Variants in PLXDC2 observed in about 807,000 individuals in gnomAD.
PLXDC2 encodes plexin domain containing 2, also known as plexin domain-containing protein 2.
A neutral mutation model predicts 68.9 loss-of-function variants in PLXDC2; 40 were observed. The ratio of observed to expected loss-of-function variants is 0.58; its 90% CI spans 0.45 to 0.76. The LOEUF (loss-of-function observed/expected upper bound fraction) is 0.76. PLXDC2 is among the 30% of genes least tolerant of loss of function. PLXDC2 has a pLI of 0.00. For synonymous variants in PLXDC2, 243 were observed against 234.2 expected (o/e 1.04, Z -0.34); for missense variants, 644 against 661.9 (o/e 0.97, Z 0.30).
intron 13 of PLXDC2, among the ~76,000 whole-genome samples, chr10:20,246,639 C>T (rs1835599855): frequency 6.6e-6 from 1 of 152,228 alleles, no homozygotes; most frequent in South Asian, 2.1e-4. Flanking sequence ...TGTGAGCCAT[C>T]GTGCCTGGCC....
chr10:19,818,791 AATT>A (rs1836406979), intron 1 of PLXDC2, among the ~76,000 whole-genome samples: 1 of 152,172 alleles, frequency 6.6e-6, no homozygotes, highest in African/African-American at 2.4e-5. Flanking sequence ...TTGCAACAGT[AATT>A]TTCATGTACT....
intron 4 of PLXDC2, among the ~76,000 whole-genome samples, chr10:20,142,140 A>G (rs1834014769): frequency 1.3e-5 from 2 of 152,262 alleles, no homozygotes; most frequent in East Asian, 1.9e-4. Context: ...GAAGACTGCA[A>G]TCTGCCAATG....
intron 1 of PLXDC2, among the ~76,000 whole-genome samples, chr10:19,937,055 C>T (rs1833736865): frequency 6.6e-6 from 1 of 152,164 alleles, no homozygotes; most frequent in African/African-American, 2.4e-5. Flanking sequence ...GTTCCTTGCT[C>T]TCCAATGACA....
At chr10:19,931,675 T>A (rs1776151039) in intron 1 of PLXDC2, among the ~76,000 whole-genome samples, 1 of 152,134 alleles carries the variant, frequency 6.6e-6, no homozygotes, top group East Asian at 1.9e-4. Flanking sequence ...AGATTGAACT[T>A]CACCAGCTTG....
At chr10:20,225,135 T>C (rs1835269055) in intron 12 of PLXDC2, among the ~76,000 whole-genome samples, 1 of 152,212 alleles carries the variant, frequency 6.6e-6, no homozygotes, top group African/African-American at 2.4e-5. Flanking sequence ...TAAATTCTAT[T>C]TCTGTTGCAT....
chr10:20,001,174 G>T (rs572945811), intron 1 of PLXDC2, among the ~76,000 whole-genome samples: 5 of 152,180 alleles, frequency 3.3e-5, no homozygotes, highest in Admixed American at 1.3e-4. Context: ...GTGCAGGGAT[G>T]ACTCCTGAGG....
intron 1 of PLXDC2, among the ~76,000 whole-genome samples, chr10:19,836,984 A>G (rs896459694): frequency 6.6e-6 from 1 of 152,204 alleles, no homozygotes; most frequent in Non-Finnish European, 1.5e-5. Flanking sequence ...GAATCAGGGA[A>G]TAAGTTCAAA....
At chr10:19,998,854 T>C (rs1422143135) in intron 1 of PLXDC2, among the ~76,000 whole-genome samples, 1 of 152,148 alleles carries the variant, frequency 6.6e-6, no homozygotes, top group East Asian at 1.9e-4. Context: ...CCAAACCTTG[T>C]AAGTGCTAGA....
chr10:19,960,970 CT>C (rs1834146385), intron 1 of PLXDC2, among the ~76,000 whole-genome samples: 1 of 152,220 alleles, frequency 6.6e-6, no homozygotes, highest in African/African-American at 2.4e-5. Flanking sequence ...CAGTAAGTTA[CT>C]TTCCTTGACT....
In PLXDC2 at chr10:20,021,191, G is replaced by GTT. The variant is rs35394866; in HGVS notation, c.324+19212_324+19213dup. ...AATCTTCTTATGGTAACTTTATCCT[G>GTT]TTTTTTTTGTTTGTTTGTTTGTTTT... On this transcript the variant is annotated intron_variant, in intron 2 of 13. Transcript: ENST00000377252. Among the ~76,000 whole-genome samples, 9 of 144,610 alleles carry GTT rather than the reference G, an allele frequency of 6.2e-5. No homozygotes were observed. The South Asian group carries it at 1.1e-3, about 17-fold the overall frequency. The allele number at this position is 144,610 out of a possible 152,430, so 94.9% of individuals were successfully genotyped here.
intron 13 of PLXDC2, among the ~76,000 whole-genome samples, chr10:20,270,358 A>G (rs775178411): frequency 2.0e-5 from 3 of 152,182 alleles, no homozygotes; most frequent in African/African-American, 4.8e-5. Context: ...TAGAATTGTT[A>G]GATCCCTGTT....
At chr10:19,851,409 C>T (rs1837115541) in intron 1 of PLXDC2, among the ~76,000 whole-genome samples, 1 of 152,212 alleles carries the variant, frequency 6.6e-6, no homozygotes, top group Non-Finnish European at 1.5e-5. Context: ...CTGCAACTTA[C>T]CCCTCCTCAC....
chr10:20,244,181 G>A (rs762603082), intron 12 of PLXDC2, among the ~76,000 whole-genome samples: 1 of 152,110 alleles, frequency 6.6e-6, no homozygotes, highest in African/African-American at 2.4e-5. Flanking sequence ...GTCATATGGT[G>A]CACTTAAGAT....
chr10:19,848,196 A>T (rs72784117), intron 1 of PLXDC2, among the ~76,000 whole-genome samples: 8,490 of 152,250 alleles, frequency 0.056, 249 homozygotes, highest in Middle Eastern at 0.11. Flanking sequence ...AGTGCAAGCC[A>T]TTTCACCTAG....
intron 13 of PLXDC2, among the ~76,000 whole-genome samples, chr10:20,246,216 G>T (rs1835593163): frequency 6.6e-6 from 1 of 152,210 alleles, no homozygotes; most frequent in African/African-American, 2.4e-5. Flanking sequence ...AAGGAGCCAT[G>T]GCTAAGCCCT....
At chr10:20,046,574 A>G (rs1191767568) in intron 2 of PLXDC2, among the ~76,000 whole-genome samples, 1 of 152,134 alleles carries the variant, frequency 6.6e-6, no homozygotes, top group African/African-American at 2.4e-5. Flanking sequence ...GGATTTCAGT[A>G]ATCATTTTAT....
chr10:20,147,909 G>C lies in PLXDC2; in HGVS notation c.783+7G>C, dbSNP rs4626974. 0.41 allele frequency: 647,784 copies of C among 1,566,274 alleles called. 148,402 individuals are homozygous for C. Among genetic ancestry groups the C allele is most frequent in the Non-Finnish European group, 0.48 (547,175 of 1,137,114 alleles). On this transcript the variant is annotated splice_region_variant and intron_variant, in intron 6 of 13. Transcript: ENST00000377252. ...CATCTTTGGATACAAAGAAGTAAGT[G>C]ATGCGTTGATAATTTCTTTCCCTTC... is the stretch of plus-strand genomic sequence containing the variant.
At chr10:20,154,689 A>T (rs981069584) in intron 6 of PLXDC2, among the ~76,000 whole-genome samples, 3 of 151,876 alleles carry the variant, frequency 2.0e-5, no homozygotes, top group African/African-American at 7.3e-5. Context: ...GACTTGTCTT[A>T]TCTCTATTCT....
chr10:20,148,202 T>A (rs1349012356), intron 6 of PLXDC2, among the ~76,000 whole-genome samples: 1 of 152,038 alleles, frequency 6.6e-6, no homozygotes, highest in Non-Finnish European at 1.5e-5. Flanking sequence ...AGAAAAAAAA[T>A]TCAATTTGGA....
Sources: allele counts gnomAD v4.1 joint callset (sites outside exome capture counted in the v4.1 genomes callset), GRCh38; gene constraint gnomAD v4.1.1; transcripts MANE v1.5; gene names NCBI Gene and HGNC (gene_info 2026-07-23, HGNC 2026-07-21).